LGR5: variants seen among roughly 807,000 people sequenced by gnomAD.
LGR5 encodes leucine rich repeat containing G protein-coupled receptor 5.
Under a neutral mutation model 76.7 loss-of-function variants are expected in LGR5, and 54 were observed. That is an observed-to-expected ratio of 0.70 (90% confidence interval 0.57 to 0.88). The LOEUF is 0.88. LGR5 is among the 40% of genes least tolerant of loss of function. The pLI is 0.00. For missense variants in LGR5, 1,078 were observed against 1,073.3 expected (o/e 1.00, Z -0.06); for synonymous variants, 406 against 421.9 (o/e 0.96, Z 0.46).
intron 4 of LGR5, among the ~76,000 whole-genome samples, chr12:71,549,044 A>C (rs1283014580): frequency 2.0e-5 from 3 of 152,230 alleles, no homozygotes; most frequent in African/African-American, 4.8e-5. Flanking sequence ...AAGCATATGA[A>C]TAGAGAATGT....
chr12:71,484,488 T>C lies in LGR5; in HGVS notation c.213-20126T>C, dbSNP rs553581020. ...CTACTGGTAATTCACTGCTATGGAT[T>C]TAAAACCGAAACAAACACCAAGAGC... is the stretch of plus-strand genomic sequence containing the variant. On this transcript the variant is annotated intron_variant, in intron 1 of 17. Coordinates refer to ENST00000266674, the MANE Select transcript of LGR5 (RefSeq NM_003667.4). Among the ~76,000 whole-genome samples, 7 of 152,348 alleles carry C rather than the reference T, an allele frequency of 4.6e-5. No individual in the cohort carries two copies. The South Asian group carries it at 1.4e-3, about 32-fold the overall frequency.
intron 11 of LGR5, among the ~76,000 whole-genome samples, chr12:71,569,884 A>G (rs1286750792): frequency 6.6e-6 from 1 of 152,250 alleles, no homozygotes; most frequent in Non-Finnish European, 1.5e-5. Flanking sequence ...CACTATTCAC[A>G]GTAGCAAAGA....
chr12:71,529,968 A>G (rs1876219194), intron 3 of LGR5, among the ~76,000 whole-genome samples: 1 of 152,028 alleles, frequency 6.6e-6, no homozygotes, highest in Non-Finnish European at 1.5e-5. Flanking sequence ...AAAAAAAAAA[A>G]AAAAAGTAGA....
rs190199058 is a variant in LGR5, at chr12:71,486,335, C to T, written c.213-18279C>T. Among the ~76,000 whole-genome samples, 85 of 152,020 alleles carry T rather than the reference C, an allele frequency of 5.6e-4. 1 individual carries two copies. The highest frequency in any genetic ancestry group is 1.9e-3 in the African/African-American group (80 of 41,478). On this transcript the variant is annotated intron_variant, in intron 1 of 17. Transcript: ENST00000266674. ...TCAGTGTCCTCGAGTTGTCTGAGCC[C>T]GACAGCAATCGTTTGACATGTGAGT... is the stretch of plus-strand genomic sequence containing the variant.
intron 2 of LGR5, among the ~76,000 whole-genome samples, chr12:71,515,389 A>G (rs1470287231): frequency 6.6e-6 from 1 of 152,212 alleles, no homozygotes; most frequent in Non-Finnish European, 1.5e-5. Context: ...TTAGGACAAT[A>G]TTTTTCCAAA....
intron 4 of LGR5, among the ~76,000 whole-genome samples, chr12:71,537,518 T>C (rs1876658374): frequency 6.6e-6 from 1 of 151,856 alleles, no homozygotes; most frequent in African/African-American, 2.4e-5. Flanking sequence ...ATGATAAACA[T>C]AGGCTGAACC....
intron 1 of LGR5, among the ~76,000 whole-genome samples, chr12:71,485,768 C>CTT (rs560900401): frequency 3.0e-4 from 43 of 141,030 alleles, no homozygotes; most frequent in African/African-American, 5.7e-4. Context: ...ACACAATTAT[C>CTT]TTTTTTTTTT....
rs1874331759 is a variant in LGR5 at position 71,496,513 on chromosome 12, A to G, written c.213-8101A>G. Among the ~76,000 whole-genome samples, 4 of 152,236 alleles carry G rather than the reference A, an allele frequency of 2.6e-5. No individual in the cohort carries two copies. In the South Asian group the frequency reaches 6.2e-4, roughly 24 times the overall value. On this transcript the variant is annotated intron_variant, in intron 1 of 17. Transcript: ENST00000266674. ...ATAAATTGATATAACCACTTTAGAA[A>G]ACTATTTGGCAGTATCTATTAAAGC...
Position 71,442,788 on chromosome 12 carries a change from T to C in LGR5, c.212+2496T>C, listed in dbSNP as rs142881867. Among the ~76,000 whole-genome samples, 214 of 152,366 alleles carry C rather than the reference T, an allele frequency of 1.4e-3. 1 individual carries two copies. Among genetic ancestry groups the C allele is most frequent in the Non-Finnish European group, 2.5e-3 (170 of 68,040 alleles). ...GATGCCCTCTTTTGGTTACACCTAG[T>C]ATTCTCTGACCATTTCTGTCTTCAC... On this transcript the variant is annotated intron_variant, in intron 1 of 17. Transcript: ENST00000266674.
At chr12:71,513,242 G>T (rs909982695) in intron 2 of LGR5, among the ~76,000 whole-genome samples, 4 of 152,182 alleles carry the variant, frequency 2.6e-5, no homozygotes, top group Non-Finnish European at 5.9e-5. Context: ...AGAGAGCCTA[G>T]CAAAAGGAAG....
chr12:71,579,589 A>G (rs1409127030), intron 15 of LGR5, among the ~76,000 whole-genome samples: 1 of 152,212 alleles, frequency 6.6e-6, no homozygotes, highest in African/African-American at 2.4e-5. Flanking sequence ...TGTAATAAGC[A>G]CATCATGGAA....
chr12:71,493,133 T>C (rs1301138948), intron 1 of LGR5, among the ~76,000 whole-genome samples: 1 of 151,398 alleles, frequency 6.6e-6, no homozygotes, highest in East Asian at 1.9e-4. Flanking sequence ...TCTTTTTATT[T>C]GTATACATAG....
In LGR5 at chr12:71,556,625, C is replaced by T; in HGVS notation, c.651C>T (p.Leu217=). 8 of 1,607,406 alleles carry T rather than the reference C, an allele frequency of 5.0e-6. No homozygotes were observed. The highest frequency in any genetic ancestry group is 6.0e-6 in the Non-Finnish European group (7 of 1,173,930). Residue 217 remains leucine, a synonymous_variant, in exon 6 of 18, where the codon CTC becomes CTT. Coordinates refer to ENST00000266674, the MANE Select transcript of LGR5 (RefSeq NM_003667.4). The part of the protein sequence containing the change: ...GNLSSLVVLH[L]HNNRIHSLGK... ...CTGTAATGTTCTACTGCAGACATCT[C>T]CATAACAATAGAATCCACTCCCTGG... is the stretch of plus-strand genomic sequence containing the variant.
rs182246036 is a variant in LGR5, at chr12:71,577,610, G to T, written c.1209-315G>T. 4.6e-5 allele frequency among the ~76,000 whole-genome samples: 7 copies of T among 152,280 alleles called. No homozygotes were observed. The East Asian group carries it at 1.3e-3, about 29-fold the overall frequency. ...AGAAGTTTCTGTCCCTTCCCACAGT[G>T]CTACAACCACTCATTTTAGAAAGGC... is the stretch of plus-strand genomic sequence containing the variant. On this transcript the variant is annotated intron_variant, in intron 13 of 17. Transcript: ENST00000266674.
intron 13 of LGR5, 39 bp from the exon 14 acceptor site, chr12:71,577,886 A>T: frequency 1.7e-6 from 2 of 1,191,142 alleles, no homozygotes; most frequent in Non-Finnish European, 2.5e-6. Flanking sequence ...CATGTTCTTT[A>T]TTCTATATAA....
intron 11 of LGR5, among the ~76,000 whole-genome samples, chr12:71,570,103 G>A (rs11178852): frequency 0.19 from 28,925 of 151,916 alleles, 3,139 homozygotes; most frequent in East Asian, 0.44. Flanking sequence ...TGGGAGCTGA[G>A]CAATGAGAAC....
At chr12:71,455,686 C>T (rs1253704656) in intron 1 of LGR5, among the ~76,000 whole-genome samples, 2 of 152,146 alleles carry the variant, frequency 1.3e-5, no homozygotes, top group African/African-American at 4.8e-5. Context: ...GCAGGCTTGA[C>T]TAATTCCCAG....
At chr12:71,528,526 C>A (rs17227207) in intron 3 of LGR5, among the ~76,000 whole-genome samples, 14,617 of 151,926 alleles carry the variant, frequency 0.096, 735 homozygotes, top group Non-Finnish European at 0.11. Flanking sequence ...AAGCCACAAA[C>A]CAAATTAAAA....
intron 2 of LGR5, among the ~76,000 whole-genome samples, chr12:71,523,035 T>C (rs1875803020): frequency 6.6e-6 from 1 of 152,196 alleles, no homozygotes; most frequent in Non-Finnish European, 1.5e-5. Context: ...TTTTATTTCA[T>C]TTGCATTGAG....
Sources: allele counts gnomAD v4.1 joint callset (sites outside exome capture counted in the v4.1 genomes callset), GRCh38; gene constraint gnomAD v4.1.1; transcripts MANE v1.5; gene names NCBI Gene and HGNC (gene_info 2026-07-23, HGNC 2026-07-21).